AGK: variants seen among roughly 807,000 people sequenced by gnomAD.
AGK encodes the protein acylglycerol kinase.
A neutral mutation model predicts 66.4 loss-of-function variants in AGK; 52 were observed. The ratio of observed to expected loss-of-function variants is 0.78; its 90% CI spans 0.63 to 0.99. AGK has a LOEUF of 0.99. Ranked by LOEUF, AGK falls within the 50% of genes least tolerant of loss-of-function variation. The pLI, the probability that AGK is intolerant of heterozygous loss-of-function variation, is 0.00. For missense variants in AGK, 451 were observed against 506.6 expected, an observed-to-expected ratio of 0.89 and a Z score of 1.05; for synonymous variants, 182 against 181.1, an observed-to-expected ratio of 1.00 and a Z score of -0.04.
intron 10 of AGK, 67 bp downstream of exon 10, chr7:141,634,047 G>C: frequency 1.5e-6 from 2 of 1,347,222 alleles, no homozygotes; most frequent in African/African-American, 2.9e-5. Context: ...TGCCTTTCAG[G>C]TTTTAATTCA....
rs759917868 is a variant in AGK at position 141,641,231 on chromosome 7, T to C, written c.727-17T>C. 2.3e-5 allele frequency: 37 copies of C among 1,590,124 alleles called. No individual in the cohort carries two copies. Among genetic ancestry groups the C allele is most frequent in the Non-Finnish European group, 3.1e-5 (36 of 1,173,694 alleles). On this transcript the variant is annotated splice_polypyrimidine_tract_variant and intron_variant, in intron 11 of 15. Coordinates refer to ENST00000649286, the MANE Select transcript of AGK (RefSeq NM_018238.4). ...TTGTACATGCATAACAAAATTTTTC[T>C]CTCTCCACATTAAAAGGAGTGGCCT...
At chr7:141,563,811 A>G (rs764577313) in intron 2 of AGK, among the ~76,000 whole-genome samples, 15 of 151,974 alleles carry the variant, frequency 9.9e-5, no homozygotes, top group Non-Finnish European at 2.1e-4. Flanking sequence ...TTTCTTCCCA[A>G]TCCATCACTC....
rs374793939 is a variant in AGK, at chr7:141,621,712, C to A, written c.519-20C>A. 2 of 1,592,208 alleles carry A rather than the reference C, an allele frequency of 1.3e-6. No individual in the cohort carries two copies. The highest frequency in any genetic ancestry group is 3.4e-5 in the Admixed American group (2 of 59,684). On this transcript the variant is annotated intron_variant, in intron 8 of 15. Transcript: ENST00000649286. ...TGTTGCCTATTTTTCATAATATGAT[C>A]ATTTCCTTTTCTCTTTTAGACATAT...
intron 13 of AGK, among the ~76,000 whole-genome samples, chr7:141,647,402 A>T (rs923693059): frequency 3.3e-5 from 5 of 152,128 alleles, no homozygotes; most frequent in African/African-American, 1.2e-4. Context: ...TGCCCCTGTC[A>T]TTCGCTCTGC....
chr7:141,637,102 C>T (rs1369378846), intron 11 of AGK, 85 bp downstream of exon 11: 4 of 1,099,410 alleles, frequency 3.6e-6, no homozygotes, highest in Non-Finnish European at 4.0e-6. Context: ...TTTTTTAATT[C>T]CTTGCTACAG....
intron 2 of AGK, among the ~76,000 whole-genome samples, chr7:141,560,028 T>C (rs1795304586): frequency 6.6e-6 from 1 of 152,106 alleles, no homozygotes; most frequent in Non-Finnish European, 1.5e-5. Context: ...CATCTGTGAA[T>C]AGAGATAATT....
Position 141,621,748 on chromosome 7 carries a change from A to C in AGK, c.535A>C (p.Thr179Pro), listed in dbSNP as rs779581356. Residue 179 changes from threonine (T) to proline (P), a missense_variant, in exon 9 of 16, where the codon ACA (threonine) becomes CCA (proline). By Grantham distance (38) the Thr-to-Pro change is conservative (BLOSUM62 -1). Transcript: ENST00000649286. ...GNKVQHITDA[T>P]LAIVKGETVP... ...CTCTTTTAGACATATTACTGATGCC[A>C]CACTTGCCATTGTGAAAGGAGAGAC... The C allele has an allele frequency of 1.2e-6, 2 of 1,613,448 alleles. No individual in the cohort carries two copies. Among genetic ancestry groups the C allele is most frequent in the Non-Finnish European group, 1.7e-6 (2 of 1,179,560 alleles).
intron 5 of AGK, among the ~76,000 whole-genome samples, chr7:141,602,380 C>T (rs1264957003): frequency 6.6e-6 from 1 of 152,016 alleles, no homozygotes; most frequent in Non-Finnish European, 1.5e-5. Context: ...ATTTCTTTAA[C>T]AGTTCTAGAA....
At chr7:141,574,857 T>C (rs926788485) in intron 2 of AGK, among the ~76,000 whole-genome samples, 3 of 152,218 alleles carry the variant, frequency 2.0e-5, no homozygotes, top group African/African-American at 7.2e-5. Flanking sequence ...ATACTTTATT[T>C]CAGGGAGCGA....
chr7:141,617,929 C>T (rs1410300626), intron 8 of AGK, among the ~76,000 whole-genome samples: 1 of 152,122 alleles, frequency 6.6e-6, no homozygotes, highest in African/African-American at 2.4e-5. Flanking sequence ...TTCTCCTACA[C>T]TGAAACTCAT....
Position 141,641,873 on chromosome 7 carries a change from T to C in AGK, c.940T>C (p.Ser314Pro). 1.3e-6 allele frequency: 2 copies of C among 1,585,374 alleles called. No individual in the cohort carries two copies. Among genetic ancestry groups the C allele is most frequent in the Non-Finnish European group, 1.7e-6 (2 of 1,165,142 alleles). ...TGTGCAGCTGTCCACCATTGAACTG[T>C]CCATCACAACACGGAATAATCAGCT... ...KDVQLSTIELSITTRNNQLDP... is the reference protein window; with the variant it reads ...KDVQLSTIELPITTRNNQLDP... Residue 314 changes from serine (S) to proline (P), a missense_variant, in exon 13 of 16, where the codon TCC (serine) becomes CCC (proline). Physicochemically the swap from Ser to Pro is moderately conservative, Grantham distance 74 (BLOSUM62 -1). Coordinates refer to ENST00000649286, the MANE Select transcript of AGK (RefSeq NM_018238.4).
intron 13 of AGK, 61 bp downstream of exon 13, chr7:141,641,969 G>C: frequency 7.5e-7 from 1 of 1,327,188 alleles, no homozygotes. Flanking sequence ...AATAGCTATA[G>C]TCCTCTCCCA....
At chr7:141,648,133 C>T (rs1797462596) in intron 13 of AGK, among the ~76,000 whole-genome samples, 2 of 152,294 alleles carry the variant, frequency 1.3e-5, no homozygotes, top group African/African-American at 4.8e-5. Flanking sequence ...CCACGGGACC[C>T]CCTTTTTCAT....
intron 2 of AGK, among the ~76,000 whole-genome samples, chr7:141,565,087 T>C (rs1376322800): frequency 6.6e-6 from 1 of 152,174 alleles, no homozygotes; most frequent in Non-Finnish European, 1.5e-5. Context: ...TCTAGGACTC[T>C]GCCCTAGGCC....
intron 2 of AGK, among the ~76,000 whole-genome samples, chr7:141,564,675 C>T (rs1188704954): frequency 6.6e-6 from 1 of 152,162 alleles, no homozygotes; most frequent in Non-Finnish European, 1.5e-5. Context: ...TGTCTTTTGA[C>T]TCCCATATTC....
rs1796303097 is a variant in AGK at position 141,599,726 on chromosome 7, C to T, written c.222-1479C>T. Among the ~76,000 whole-genome samples, 4 of 152,122 alleles carry T rather than the reference C, an allele frequency of 2.6e-5. No homozygotes were observed. The South Asian group carries it at 8.3e-4, about 32-fold the overall frequency. On this transcript the variant is annotated intron_variant, in intron 4 of 15. Transcript: ENST00000649286. Reference sequence around the variant, plus strand: ...AGAATTGTTTGCAGTACCACTAGCTCAGTGCTTTAATGTTGGGTTAAGCCC... The same window carrying T: ...AGAATTGTTTGCAGTACCACTAGCTTAGTGCTTTAATGTTGGGTTAAGCCC...
intron 4 of AGK, among the ~76,000 whole-genome samples, chr7:141,597,809 T>C (rs975956808): frequency 2.9e-5 from 4 of 136,878 alleles, no homozygotes; most frequent in African/African-American, 1.1e-4. Context: ...GAGGATCACC[T>C]AAGCCCAGGA....
intron 2 of AGK, among the ~76,000 whole-genome samples, chr7:141,569,302 G>A (rs1562960502): frequency 6.6e-6 from 1 of 152,124 alleles, no homozygotes; most frequent in African/African-American, 2.4e-5. Context: ...TTGGGAGGCC[G>A]AGGCGGGCAC....
At chr7:141,584,531 C>T (rs181429002) in intron 2 of AGK, among the ~76,000 whole-genome samples, 116 of 152,242 alleles carry the variant, frequency 7.6e-4, no homozygotes, top group Non-Finnish European at 6.8e-4. Flanking sequence ...ATTTGGGGCA[C>T]GAGTACTCAG....
Sources: gnomAD v4.1 joint callset for allele counts (sites outside exome capture counted in the v4.1 genomes callset) on GRCh38, gnomAD v4.1.1 for gene constraint, MANE v1.5 for transcripts, NCBI Gene and HGNC (gene_info 2026-07-23, HGNC 2026-07-21) for gene names.